SEMA3E: variants seen among roughly 807,000 people sequenced by gnomAD.
SEMA3E encodes semaphorin 3E.
A neutral mutation model predicts 93.6 loss-of-function variants in SEMA3E; 49 were observed. The ratio of observed to expected loss-of-function variants is 0.52; its 90% CI spans 0.42 to 0.66. SEMA3E has a LOEUF of 0.66. SEMA3E is among the 30% of genes least tolerant of loss of function. The probability of loss-of-function intolerance (pLI) is 0.00; values close to 1 mark genes in which losing one functional copy is unlikely to be tolerated. For missense variants in SEMA3E, 906 were observed against 964.8 expected (o/e 0.94, Z 0.81); for synonymous variants, 363 against 330.7 (o/e 1.10, Z -1.06).
intron 1 of SEMA3E, among the ~76,000 whole-genome samples, chr7:83,550,342 T>C (rs921175450): frequency 6.6e-6 from 1 of 152,118 alleles, no homozygotes; most frequent in African/African-American, 2.4e-5. Flanking sequence ...TCTGAATTCC[T>C]GTGCATGTGT....
chr7:83,558,912 A>T (rs1007631518), intron 1 of SEMA3E, among the ~76,000 whole-genome samples: 6 of 152,100 alleles, frequency 3.9e-5, no homozygotes, highest in Non-Finnish European at 7.4e-5. Flanking sequence ...TGCTTTCCCT[A>T]AATGGCTAAC....
intron 1 of SEMA3E, among the ~76,000 whole-genome samples, chr7:83,493,097 A>G (rs1393478126): frequency 6.6e-6 from 1 of 151,938 alleles, no homozygotes; most frequent in Non-Finnish European, 1.5e-5. Context: ...ATTTGACTAA[A>G]TTGCATTTTT....
At chr7:83,637,529 G>C (rs1465585350) in intron 1 of SEMA3E, among the ~76,000 whole-genome samples, 1 of 152,108 alleles carries the variant, frequency 6.6e-6, no homozygotes, top group Non-Finnish European at 1.5e-5. Context: ...TCAAGGGTGG[G>C]ACCAGATGGA....
rs1791557564 is a variant in SEMA3E, at chr7:83,542,515, C to G, written c.116-52241G>C. Among the ~76,000 whole-genome samples, 5 of 152,130 alleles carry G rather than the reference C, an allele frequency of 3.3e-5. No individual in the cohort carries two copies. The South Asian group carries it at 1.0e-3, about 32-fold the overall frequency. The stretch of plus-strand genomic sequence containing the variant: ...AATATTTTAACATAGAAGACAATTT[C>G]ATTTTATTTCCTATATGACTTTGTT... On this transcript the variant is annotated intron_variant, in intron 1 of 16. Coordinates refer to ENST00000643230, the MANE Select transcript of SEMA3E (RefSeq NM_012431.3).
At chr7:83,478,774 G>A (rs1320654322) in intron 2 of SEMA3E, among the ~76,000 whole-genome samples, 1 of 152,172 alleles carries the variant, frequency 6.6e-6, no homozygotes, top group Non-Finnish European at 1.5e-5. Context: ...CATAACAAAA[G>A]CAGAACTAGC....
intron 1 of SEMA3E, among the ~76,000 whole-genome samples, chr7:83,560,566 T>G (rs557669846): frequency 6.6e-6 from 1 of 152,210 alleles, no homozygotes; most frequent in Admixed American, 6.6e-5. Flanking sequence ...ATTTGTAAAT[T>G]CATTTCAAAA....
At chr7:83,394,842 A>T (rs1268001890) in intron 12 of SEMA3E, among the ~76,000 whole-genome samples, 1 of 152,176 alleles carries the variant, frequency 6.6e-6, no homozygotes, top group African/African-American at 2.4e-5. Context: ...AATGAGATGA[A>T]TAACCTGATT....
At chr7:83,575,618 A>G (rs1196251489) in intron 1 of SEMA3E, among the ~76,000 whole-genome samples, 1 of 152,174 alleles carries the variant, frequency 6.6e-6, no homozygotes, top group East Asian at 1.9e-4. Context: ...GGGCCTCATA[A>G]TTATCTGGAA....
At chr7:83,540,274 G>C (rs2115760432) in intron 1 of SEMA3E, among the ~76,000 whole-genome samples, 2 of 152,238 alleles carry the variant, frequency 1.3e-5, no homozygotes, top group Admixed American at 1.3e-4. Context: ...TATTATTCTA[G>C]ATCAGAAATA....
intron 6 of SEMA3E, 86 bp downstream of exon 6, chr7:83,408,279 ATTC>A (rs1788364585): frequency 6.9e-7 from 1 of 1,449,768 alleles, no homozygotes; most frequent in African/African-American, 1.4e-5. Flanking sequence ...TTGTATTTAT[ATTC>A]TTATTATTAT....
intron 1 of SEMA3E, among the ~76,000 whole-genome samples, chr7:83,568,373 T>TA (rs1427597022): frequency 6.6e-6 from 1 of 152,154 alleles, no homozygotes; most frequent in East Asian, 1.9e-4. Flanking sequence ...TAACTCATTC[T>TA]AAGAGGCCAA....
At chr7:83,458,255 G>C (rs1789532602) in intron 4 of SEMA3E, among the ~76,000 whole-genome samples, 1 of 151,474 alleles carries the variant, frequency 6.6e-6, no homozygotes, top group African/African-American at 2.4e-5. Context: ...TGAAGTGGAA[G>C]TACACCAAGT....
At chr7:83,548,335 G>A (rs1364262972) in intron 1 of SEMA3E, among the ~76,000 whole-genome samples, 1 of 151,984 alleles carries the variant, frequency 6.6e-6, no homozygotes, top group East Asian at 1.9e-4. Context: ...AACAAGTCAA[G>A]GTATAAAGAT....
At chr7:83,576,363 C>T (rs1392703772) in intron 1 of SEMA3E, among the ~76,000 whole-genome samples, 4 of 152,054 alleles carry the variant, frequency 2.6e-5, no homozygotes, top group Non-Finnish European at 4.4e-5. Flanking sequence ...ATGAAGGATA[C>T]GGAATGTAGG....
intron 1 of SEMA3E, among the ~76,000 whole-genome samples, chr7:83,536,379 A>T (rs865994776): frequency 2.0e-5 from 3 of 152,100 alleles, no homozygotes; most frequent in Non-Finnish European, 4.4e-5. Context: ...AATAATAACA[A>T]TTTTTTAAAA....
At chr7:83,645,084 G>A (rs1794062497) in intron 1 of SEMA3E, among the ~76,000 whole-genome samples, 1 of 151,840 alleles carries the variant, frequency 6.6e-6, no homozygotes, top group Non-Finnish European at 1.5e-5. Flanking sequence ...TTTCTTCTCT[G>A]AGCTCCATTA....
chr7:83,387,014 T>C lies in SEMA3E; in HGVS notation c.1704A>G (p.Ala568=). ...ACTGTTGTCCAAAGCACTGCTGAGC[T>C]GCATTTCCATGTCGAACATCTTGTC... ...FRRQDVRHGN[A]AQQCFGQQFV... is the part of the protein sequence containing the mutation. The change falls in exon 15 of 17, where the codon GCA becomes GCG. Residue 568 remains alanine, a synonymous_variant. Transcript: ENST00000643230. The C allele has an allele frequency of 6.2e-7, 1 of 1,613,356 alleles. No homozygotes were observed. The highest frequency in any genetic ancestry group is 8.5e-7 in the Non-Finnish European group (1 of 1,179,624).
intron 4 of SEMA3E, among the ~76,000 whole-genome samples, chr7:83,462,418 A>T (rs1215917244): frequency 6.6e-6 from 1 of 152,074 alleles, no homozygotes; most frequent in African/African-American, 2.4e-5. Flanking sequence ...CAGTTCCCTT[A>T]TTAGGCTGAG....
chr7:83,478,955 C>T (rs950722702), intron 2 of SEMA3E, among the ~76,000 whole-genome samples: 2 of 152,188 alleles, frequency 1.3e-5, no homozygotes, highest in African/African-American at 4.8e-5. Context: ...ATTCATCATG[C>T]TGCTGCCAAA....
Sources: allele counts gnomAD v4.1 joint callset (sites outside exome capture counted in the v4.1 genomes callset), GRCh38; gene constraint gnomAD v4.1.1; transcripts MANE v1.5; gene names NCBI Gene and HGNC (gene_info 2026-07-23, HGNC 2026-07-21).